COL11A1: variants seen among roughly 807,000 people sequenced by gnomAD.
COL11A1 encodes the protein collagen type XI alpha 1 chain, also known as collagen alpha-1(XI) chain.
COL11A1 carries 74 observed loss-of-function variants against 265.2 expected under a neutral mutation model. The observed-to-expected ratio is 0.28, with a 90% confidence interval of 0.23 to 0.34. COL11A1 has a LOEUF of 0.34. COL11A1 is among the 10% of genes least tolerant of loss of function. The pLI is 1.00. For missense variants in COL11A1, 2,165 were observed against 2,263.6 expected (o/e 0.96, Z 0.88); for synonymous variants, 816 against 727.6 (o/e 1.12, Z -1.96).
At position 102,911,244 on chromosome 1, in the gene COL11A1, T is replaced by C. The variant is rs542217896; in HGVS notation, c.4086+915A>G. Among the ~76,000 whole-genome samples, 3 of 152,268 alleles carry C rather than the reference T, an allele frequency of 2.0e-5. No individual in the cohort carries two copies. The South Asian group carries it at 6.2e-4, about 32-fold the overall frequency. On this transcript the variant is annotated intron_variant, in intron 54 of 66. Transcript: ENST00000370096. ...GTTTTATTATAAATTAAATATATTT[T>C]TGGAAAGAGAAATGTTTGTAAATAT...
intron 47 of COL11A1, 128 bp from the exon 48 acceptor site, chr1:102,921,699 G>A (rs1007258689): frequency 2.7e-6 from 2 of 748,936 alleles, no homozygotes; most frequent in Non-Finnish European, 4.6e-6. Context: ...AAGCACATCA[G>A]GGTTATAAGT....
chr1:103,003,664 C>A (rs1665338584), intron 20 of COL11A1, among the ~76,000 whole-genome samples: 1 of 152,058 alleles, frequency 6.6e-6, no homozygotes, highest in Non-Finnish European at 1.5e-5. Flanking sequence ...ATTTATTGTA[C>A]ATTTAGGTAA....
intron 1 of COL11A1, among the ~76,000 whole-genome samples, chr1:103,095,398 T>G (rs148418346): frequency 0.012 from 1,853 of 151,892 alleles, 44 homozygotes; most frequent in African/African-American, 0.043. Context: ...ATAGGGAGGG[T>G]TGCAAAGGCC....
chr1:103,083,856 T>C (rs1178195095), intron 1 of COL11A1, among the ~76,000 whole-genome samples: 2 of 152,190 alleles, frequency 1.3e-5, no homozygotes, highest in East Asian at 3.9e-4. Flanking sequence ...AAAACTAGGC[T>C]ACTTTTTAGT....
chr1:103,008,974 G>A (rs1457233024), intron 14 of COL11A1, among the ~76,000 whole-genome samples: 2 of 152,166 alleles, frequency 1.3e-5, no homozygotes, highest in Non-Finnish European at 2.9e-5. Context: ...ACTCTGAATT[G>A]TATGATAATA....
chr1:102,987,557 A>G, intron 30 of COL11A1, 76 bp downstream of exon 30: 1 of 1,075,392 alleles, frequency 9.3e-7, no homozygotes, highest in Admixed American at 1.7e-5. Flanking sequence ...TTCTGACACC[A>G]GTTATTGAAA....
chr1:103,043,253 T>C (rs1261199168), intron 4 of COL11A1, among the ~76,000 whole-genome samples: 2 of 148,394 alleles, frequency 1.3e-5, no homozygotes, highest in East Asian at 2.0e-4. Context: ...ATCATATATA[T>C]GAAATATATA....
chr1:102,913,823 T>C (rs371981879), intron 52 of COL11A1, 133 bp from the exon 53 acceptor site: 112 of 830,268 alleles, frequency 1.3e-4, no homozygotes, highest in South Asian at 2.2e-4. Flanking sequence ...CATTATATTC[T>C]TTTAACCTTT....
intron 28 of COL11A1, among the ~76,000 whole-genome samples, chr1:102,992,244 GTTA>G (rs1160113920): frequency 6.6e-6 from 1 of 151,976 alleles, no homozygotes; most frequent in Non-Finnish European, 1.5e-5. Flanking sequence ...GACGTATCAA[GTTA>G]TTAAGATTTC....
intron 8 of COL11A1, among the ~76,000 whole-genome samples, 159 bp from the exon 9 acceptor site, chr1:103,021,928 A>G (rs1284423250): frequency 6.6e-6 from 1 of 150,832 alleles, no homozygotes; most frequent in African/African-American, 2.4e-5. Flanking sequence ...GCTCACTGCA[A>G]GCTCGCCTGC....
chr1:103,063,517 C>T (rs2102213109), intron 4 of COL11A1, among the ~76,000 whole-genome samples: 1 of 151,910 alleles, frequency 6.6e-6, no homozygotes, highest in East Asian at 1.9e-4. Flanking sequence ...CAGCCACATG[C>T]AAAAAAATAT....
chr1:102,995,718 G>A, intron 28 of COL11A1, 146 bp downstream of exon 28: 2 of 694,862 alleles, frequency 2.9e-6, no homozygotes, highest in South Asian at 3.6e-5. Flanking sequence ...TTTTTAAGTT[G>A]TGAGGATAAA....
At chr1:102,975,302 A>G (rs751105317) in intron 35 of COL11A1, among the ~76,000 whole-genome samples, 8 of 151,414 alleles carry the variant, frequency 5.3e-5, no homozygotes, top group Admixed American at 6.6e-5. Flanking sequence ...AACTTATTCT[A>G]TCTTCTATCC....
intron 50 of COL11A1, 146 bp from the exon 51 acceptor site, chr1:102,914,957 T>C (rs1655145663): frequency 1.5e-6 from 1 of 678,286 alleles, no homozygotes. Context: ...CAAGTTGGAG[T>C]GTAGTGGCAC....
intron 4 of COL11A1, among the ~76,000 whole-genome samples, chr1:103,055,085 A>G (rs1048385172): frequency 2.0e-5 from 3 of 152,200 alleles, no homozygotes; most frequent in African/African-American, 7.2e-5. Context: ...CTGTAATCTC[A>G]GAGCTGGTTA....
chr1:102,987,740 C>T lies in COL11A1; in HGVS notation c.2395G>A (p.Gly799Arg), dbSNP rs745911557. The change falls in exon 30 of 67, where the codon GGA becomes AGA. Residue 799 changes from glycine to arginine, a missense_variant and splice_region_variant. Gly to Arg is a moderately radical substitution (Grantham distance 125). Transcript: ENST00000370096. ...KGDMGLKGDR[G>R]EVGQIGPRGE... ...CTTGGGCCAATTTGACCAACTTCTCCCTGAGGCACAGAATAACAACATTCT... is the reference window on the plus strand; with the variant it reads ...CTTGGGCCAATTTGACCAACTTCTCTCTGAGGCACAGAATAACAACATTCT... 1 of 1,610,640 alleles carries T rather than the reference C, an allele frequency of 6.2e-7. No individual in the cohort carries two copies. Among genetic ancestry groups the T allele is most frequent in the Non-Finnish European group, 8.5e-7 (1 of 1,177,082 alleles).
intron 20 of COL11A1, among the ~76,000 whole-genome samples, chr1:103,004,206 C>T (rs1665387613): frequency 6.6e-6 from 1 of 151,974 alleles, no homozygotes; most frequent in Non-Finnish European, 1.5e-5. Flanking sequence ...GGTAAGGTAA[C>T]TTTTTTGGCT....
At chr1:102,965,577 C>G in intron 37 of COL11A1, 37 bp from the exon 38 acceptor site, 3 of 1,557,196 alleles carry the variant, frequency 1.9e-6, no homozygotes, top group Non-Finnish European at 2.7e-6. Context: ...AAGCTACATA[C>G]AACACAAAGC....
chr1:103,093,856 G>A (rs1673521899), intron 1 of COL11A1, among the ~76,000 whole-genome samples: 1 of 152,092 alleles, frequency 6.6e-6, no homozygotes. Flanking sequence ...TGTGTCATGG[G>A]GTCATAAGGA....
Sources: allele counts gnomAD v4.1 joint callset (sites outside exome capture counted in the v4.1 genomes callset), GRCh38; gene constraint gnomAD v4.1.1; transcripts MANE v1.5; gene names NCBI Gene and HGNC (gene_info 2026-07-23, HGNC 2026-07-21).